The following EXT2 variants were observed in gnomAD, a reference collection of about 807,000 sequenced individuals.
EXT2 encodes the protein exostosin-2.
A neutral mutation model predicts 81.6 loss-of-function variants in EXT2; 53 were observed. The observed-to-expected ratio is 0.65, with a 90% CI of 0.52 to 0.82. The LOEUF is 0.82. EXT2 is among the 40% of genes least tolerant of loss of function. The pLI, the probability that EXT2 is intolerant of heterozygous loss-of-function variation, is 0.00. For missense variants in EXT2, 774 were observed against 910.2 expected (o/e 0.85, Z 1.93); for synonymous variants, 320 against 340.0 (o/e 0.94, Z 0.65).
rs1411411734 is a variant in EXT2 at position 44,144,098 on chromosome 11, T to TA, written c.1173+13961dup. On this transcript the variant is annotated intron_variant, in intron 7 of 13. Transcript: ENST00000533608. ...TTTGCTTTCTCTAATCAAACAAACT[T>TA]ACGCTTTCTTTCTCCTGGTTTTAGC... is the stretch of plus-strand genomic sequence containing the variant. 40 of 685,920 alleles carry TA rather than the reference T, an allele frequency of 5.8e-5. No homozygotes were observed. The African/African-American group carries it at 6.2e-4, about 11-fold the overall frequency. The allele number at this position is 685,920 out of a possible 1,614,324, so 42.5% of individuals were successfully genotyped here. A position where few individuals can be genotyped will look rare whatever the true frequency, so the allele number is the denominator to read the frequency against.
chr11:44,219,072 C>T, intron 10 of EXT2, among the ~76,000 whole-genome samples: 1 of 151,962 alleles, frequency 6.6e-6, no homozygotes, highest in Non-Finnish European at 1.5e-5. Context: ...AAGTGCTGGG[C>T]CTACAGGTGT....
chr11:44,230,803 A>G (rs749481831), intron 10 of EXT2, among the ~76,000 whole-genome samples: 3 of 152,092 alleles, frequency 2.0e-5, no homozygotes, highest in Non-Finnish European at 4.4e-5. Context: ...AAGCCCCCCA[A>G]TTTGTGGTTC....
intron 1 of EXT2, among the ~76,000 whole-genome samples, chr11:44,099,062 C>T (rs528788561): frequency 1.3e-5 from 2 of 152,218 alleles, no homozygotes; most frequent in African/African-American, 2.4e-5. Context: ...AGTACAGTGA[C>T]GCAGTCATGG....
intron 7 of EXT2, among the ~76,000 whole-genome samples, chr11:44,161,033 A>T (rs1463565932): frequency 6.6e-6 from 1 of 152,074 alleles, no homozygotes; most frequent in Non-Finnish European, 1.5e-5. Flanking sequence ...TTATTTTTGT[A>T]TGATAATTTG....
intron 13 of EXT2, among the ~76,000 whole-genome samples, chr11:44,242,744 C>T (rs1413705524): frequency 6.6e-6 from 1 of 152,058 alleles, no homozygotes; most frequent in African/African-American, 2.4e-5. Context: ...ATTTCCAGTC[C>T]CCTTCATTGG....
chr11:44,102,537 T>C (rs998295252), intron 1 of EXT2, among the ~76,000 whole-genome samples: 14 of 80,848 alleles, frequency 1.7e-4, no homozygotes, highest in East Asian at 1.3e-3. Context: ...TCTCTCTCTT[T>C]TTTTTTTTTT....
rs1956140579 is a variant in EXT2 at position 44,251,850 on chromosome 11, T to C, written c.*7563T>C. Reference sequence around the variant, plus strand: ...TGTTCTTGGTGTGAGGATATGGCACTGAACAAAACAATGTACCTACTTTCG... The same window carrying C: ...TGTTCTTGGTGTGAGGATATGGCACCGAACAAAACAATGTACCTACTTTCG... On this transcript the variant is annotated 3_prime_UTR_variant, in exon 14 of 14. Transcript: ENST00000533608. Among the ~76,000 whole-genome samples the C allele has an allele frequency of 6.6e-6, 1 of 152,224 alleles. No homozygotes were observed. The highest frequency in any genetic ancestry group is 1.5e-5 in the Non-Finnish European group (1 of 68,042).
At position 44,251,905 on chromosome 11, in the gene EXT2, C is replaced by T. The variant is rs570374944; in HGVS notation, c.*7618C>T. Among the ~76,000 whole-genome samples the T allele has an allele frequency of 6.6e-6, 1 of 152,084 alleles. No homozygotes were observed. Among genetic ancestry groups the T allele is most frequent in the Admixed American group, 6.5e-5 (1 of 15,268 alleles). On this transcript the variant is annotated 3_prime_UTR_variant, in exon 14 of 14. Transcript: ENST00000533608. ...GCTTACATTCTAATGAGGAAGATAA[C>T]CAAAACAAGTGACTGAATATAATTT...
chr11:44,142,188 T>G lies in EXT2; in HGVS notation c.1173+12050T>G, dbSNP rs1954655236. On this transcript the variant is annotated intron_variant, in intron 7 of 13. Transcript: ENST00000533608. ...AAATAACTTACTATATACTTACATATATTCTGTCTCCTTAAGCATTGCAGA... is the reference window on the plus strand; with the variant it reads ...AAATAACTTACTATATACTTACATAGATTCTGTCTCCTTAAGCATTGCAGA... 2.6e-5 allele frequency among the ~76,000 whole-genome samples: 4 copies of G among 152,248 alleles called. No individual in the cohort carries two copies. The South Asian group carries it at 8.3e-4, about 31-fold the overall frequency.
chr11:44,209,697 C>T (rs1051651656), intron 10 of EXT2, among the ~76,000 whole-genome samples: 1 of 152,186 alleles, frequency 6.6e-6, no homozygotes, highest in Non-Finnish European at 1.5e-5. Flanking sequence ...TTATATCTGT[C>T]TTGTTAATCT....
chr11:44,108,251 A>T lies in EXT2; in HGVS notation c.536+3A>T. ...CAAGCGATGGCCCAGCTCTCTAGGT[A>T]TCTCACACTCATACAGCCCAGCCCC... On this transcript the variant is annotated splice_donor_region_variant and intron_variant, in intron 2 of 13. Transcript: ENST00000533608. 1 of 1,611,390 alleles carries T rather than the reference A, an allele frequency of 6.2e-7. No individual in the cohort carries two copies.
chr11:44,159,701 A>AT (rs1215184331), intron 7 of EXT2, among the ~76,000 whole-genome samples: 1 of 152,032 alleles, frequency 6.6e-6, no homozygotes, highest in Non-Finnish European at 1.5e-5. Context: ...ATGCCTTGTA[A>AT]TTTTTTGTTG....
At chr11:44,235,466 G>C (rs1357057077) in intron 12 of EXT2, among the ~76,000 whole-genome samples, 2 of 151,554 alleles carry the variant, frequency 1.3e-5, no homozygotes, top group Admixed American at 6.6e-5. Context: ...GGCTGGTCTT[G>C]AACTCCTGAG....
At chr11:44,149,335 C>A (rs577387978) in intron 7 of EXT2, among the ~76,000 whole-genome samples, 4 of 152,310 alleles carry the variant, frequency 2.6e-5, no homozygotes, top group Admixed American at 6.5e-5. Flanking sequence ...GCACTTCAGG[C>A]AGGGTGACAG....
At chr11:44,164,648 C>T (rs1954968740) in intron 7 of EXT2, among the ~76,000 whole-genome samples, 1 of 152,156 alleles carries the variant, frequency 6.6e-6, no homozygotes, top group Non-Finnish European at 1.5e-5. Flanking sequence ...TTATAATTCT[C>T]ATGTTTGAAA....
intron 10 of EXT2, among the ~76,000 whole-genome samples, chr11:44,223,680 C>T (rs1276988175): frequency 1.4e-5 from 2 of 146,420 alleles, no homozygotes; most frequent in Non-Finnish European, 3.0e-5. Context: ...GACGGAGTCT[C>T]GCTCTGTCGC....
intron 7 of EXT2, among the ~76,000 whole-genome samples, chr11:44,160,467 A>G (rs3935072): frequency 0.37 from 56,001 of 152,042 alleles, 10,418 homozygotes; most frequent in Middle Eastern, 0.47. Flanking sequence ...TGGAAACCAG[A>G]AACCCCCAGA....
chr11:44,187,755 G>A (rs77552650), intron 8 of EXT2, among the ~76,000 whole-genome samples: 2,665 of 152,200 alleles, frequency 0.018, 81 homozygotes, highest in African/African-American at 0.062. Flanking sequence ...ACAAAAGGTA[G>A]CATTCCGTTA....
At chr11:44,157,751 CA>C (rs1954875456) in intron 7 of EXT2, among the ~76,000 whole-genome samples, 1 of 152,218 alleles carries the variant, frequency 6.6e-6, no homozygotes, top group South Asian at 2.1e-4. Context: ...AACTGCAAAA[CA>C]AAGCCCCCTT....
Sources: gnomAD v4.1 joint callset for allele counts (sites outside exome capture counted in the v4.1 genomes callset) on GRCh38, gnomAD v4.1.1 for gene constraint, MANE v1.5 for transcripts, NCBI Gene and HGNC (gene_info 2026-07-23, HGNC 2026-07-21) for gene names.